Variants in NEDD4L observed in about 807,000 individuals in gnomAD.
NEDD4L encodes the protein E3 ubiquitin-protein ligase NEDD4-like.
A neutral mutation model predicts 148.9 loss-of-function variants in NEDD4L; 54 were observed. That is an observed-to-expected ratio of 0.36 (90% CI 0.29 to 0.45). The LOEUF is 0.45. NEDD4L is among the 20% of genes least tolerant of loss of function. The pLI, the probability that NEDD4L is intolerant of heterozygous loss-of-function variation, is 1.00. For missense variants in NEDD4L, 856 were observed against 1,233.8 expected, an observed-to-expected ratio of 0.69 and a Z score of 4.59; for synonymous variants, 433 against 440.7, an observed-to-expected ratio of 0.98 and a Z score of 0.22.
intron 2 of NEDD4L, chr18:58,221,799 A>G (rs934106584): frequency 4.6e-5 from 37 of 801,452 alleles, no homozygotes; most frequent in Non-Finnish European, 5.4e-5. Context: ...ATATGAATGC[A>G]TAACATCTGT....
chr18:58,119,652 G>A (rs988827932), intron 1 of NEDD4L, among the ~76,000 whole-genome samples: 1 of 152,236 alleles, frequency 6.6e-6, no homozygotes, highest in Non-Finnish European at 1.5e-5. Context: ...GGGACTGGAC[G>A]ACTGAGAGTT....
chr18:58,261,576 T>G (rs1457433989), intron 5 of NEDD4L, among the ~76,000 whole-genome samples: 1 of 152,242 alleles, frequency 6.6e-6, no homozygotes, highest in Non-Finnish European at 1.5e-5. Context: ...ATCTCTAATT[T>G]TATAATACAT....
chr18:58,051,188 G>C (rs943099312), intron 1 of NEDD4L, among the ~76,000 whole-genome samples: 2 of 152,082 alleles, frequency 1.3e-5, no homozygotes, highest in Non-Finnish European at 2.9e-5. Context: ...AGCCTGGGAG[G>C]TTGAGGCTGC....
chr18:58,238,558 A>G (rs1600107141), intron 2 of NEDD4L, among the ~76,000 whole-genome samples: 1 of 152,364 alleles, frequency 6.6e-6, no homozygotes, highest in Non-Finnish European at 1.5e-5. Flanking sequence ...ATAATATTCT[A>G]GTATATGATT....
chr18:58,275,117 C>A (rs1214587610), intron 5 of NEDD4L, among the ~76,000 whole-genome samples: 3 of 152,050 alleles, frequency 2.0e-5, no homozygotes, highest in African/African-American at 7.2e-5. Flanking sequence ...TTGACAGAAG[C>A]CTTACTGATA....
At chr18:58,060,909 C>CAT (rs1402770536) in intron 1 of NEDD4L, among the ~76,000 whole-genome samples, 8 of 151,482 alleles carry the variant, frequency 5.3e-5, no homozygotes, top group African/African-American at 7.3e-5. Context: ...CAGGTGCCTG[C>CAT]CACCACACCC....
intron 1 of NEDD4L, among the ~76,000 whole-genome samples, chr18:58,143,243 TTAA>T (rs2033744340): frequency 6.6e-6 from 1 of 152,240 alleles, no homozygotes; most frequent in Non-Finnish European, 1.5e-5. Context: ...AAACTGAGGC[TTAA>T]TAATGTGCCC....
chr18:58,324,919 C>A, intron 8 of NEDD4L, 77 bp from the exon 9 acceptor site: 1 of 1,334,714 alleles, frequency 7.5e-7, no homozygotes, highest in Non-Finnish European at 1.0e-6. Context: ...GAAGGGCATG[C>A]AGGGCATGCT....
At chr18:58,077,367 A>G (rs2083226720) in intron 1 of NEDD4L, among the ~76,000 whole-genome samples, 2 of 151,606 alleles carry the variant, frequency 1.3e-5, no homozygotes, top group Non-Finnish European at 2.9e-5. Flanking sequence ...GGCTTTTGCC[A>G]TGTTGCCCAG....
chr18:58,110,941 G>A (rs1436631970), intron 1 of NEDD4L, among the ~76,000 whole-genome samples: 17 of 152,068 alleles, frequency 1.1e-4, no homozygotes, highest in Non-Finnish European at 2.9e-5. Context: ...AAACACACAC[G>A]CTTTCTTAAA....
intron 24 of NEDD4L, among the ~76,000 whole-genome samples, chr18:58,382,586 A>G (rs1001701849): frequency 5.3e-5 from 8 of 152,112 alleles, no homozygotes; most frequent in Admixed American, 3.9e-4. Flanking sequence ...TTACTGTGCT[A>G]TGTGGCCTTA....
intron 5 of NEDD4L, among the ~76,000 whole-genome samples, chr18:58,295,593 TATC>T (rs1239253404): frequency 6.6e-6 from 1 of 152,174 alleles, no homozygotes; most frequent in Non-Finnish European, 1.5e-5. Flanking sequence ...TTAAATGACA[TATC>T]AATACTTTAA....
At chr18:58,372,994 GT>G in intron 23 of NEDD4L, 179 bp from the exon 24 acceptor site, 1 of 531,474 alleles carries the variant, frequency 1.9e-6, no homozygotes, top group Non-Finnish European at 3.3e-6. Flanking sequence ...AACTAAAGCA[GT>G]TTGTTTGTTT....
At position 58,366,264 on chromosome 18, in the gene NEDD4L, C is replaced by T; in HGVS notation, c.2063+36C>T. The T allele has an allele frequency of 7.3e-7, 1 of 1,377,266 alleles. No individual in the cohort carries two copies. The highest frequency in any genetic ancestry group is 1.0e-6 in the Non-Finnish European group (1 of 1,003,426). The allele number at this position is 1,377,266 out of a possible 1,614,324, so 85.3% of individuals were successfully genotyped here. A position where few individuals can be genotyped will look rare whatever the true frequency, so the allele number is the denominator to read the frequency against. ...GGCCACACCCAGTGTGTGTCCCCCA[C>T]TGAGACAGTTGTATGAATTTAAACA... On this transcript the variant is annotated intron_variant, in intron 21 of 30. Transcript: ENST00000400345. This position sits in a 1 kb window ranked among gnomAD's most constrained non-coding sequence, Gnocchi z 4.2.
chr18:58,194,380 C>T (rs930019251), intron 2 of NEDD4L, among the ~76,000 whole-genome samples: 4 of 152,140 alleles, frequency 2.6e-5, no homozygotes, highest in African/African-American at 9.7e-5. Flanking sequence ...CTTATCTTAT[C>T]GAAGAGTGCT....
At chr18:58,245,645 C>A in intron 3 of NEDD4L, 137 bp downstream of exon 3, 1 of 410,904 alleles carries the variant, frequency 2.4e-6, no homozygotes, top group East Asian at 4.0e-5. Flanking sequence ...TATAATGGAG[C>A]TGCCATATAC....
intron 1 of NEDD4L, among the ~76,000 whole-genome samples, chr18:58,108,555 G>A (rs1158563182): frequency 6.6e-6 from 1 of 152,094 alleles, no homozygotes; most frequent in Non-Finnish European, 1.5e-5. Flanking sequence ...CGAGTAGCTG[G>A]GATTTTAGGC....
chr18:58,381,081 G>A (rs1255549826), intron 24 of NEDD4L, among the ~76,000 whole-genome samples: 60 of 152,070 alleles, frequency 3.9e-4, no homozygotes, highest in Non-Finnish European at 5.9e-5. Context: ...GCATACAAAT[G>A]TATAATCTGG....
chr18:58,358,672 T>A (rs867828484), intron 19 of NEDD4L, among the ~76,000 whole-genome samples: 2 of 152,142 alleles, frequency 1.3e-5, no homozygotes, highest in Non-Finnish European at 1.5e-5. Context: ...TTCCTTCATT[T>A]TTATTATTAT....
Sources: gnomAD v4.1 joint callset for allele counts (sites outside exome capture counted in the v4.1 genomes callset) on GRCh38, gnomAD v4.1.1 for gene constraint, Gnocchi (gnomAD v3.1) non-coding constraint, MANE v1.5 for transcripts, NCBI Gene and HGNC (gene_info 2026-07-23, HGNC 2026-07-21) for gene names.